TP73: variants seen among roughly 807,000 people sequenced by gnomAD.
The protein encoded by TP73 is tumor protein p73, also known as p53-like transcription factor.
A neutral mutation model predicts 62.5 loss-of-function variants in TP73; 25 were observed. That is an observed-to-expected ratio of 0.40 (90% CI 0.29 to 0.56). The LOEUF is 0.56. Among genes scored for constraint, TP73 ranks in the 20% least tolerant of loss-of-function variants. TP73 has a pLI of 0.46. For missense variants in TP73, 754 were observed against 913.3 expected, an observed-to-expected ratio of 0.83 and a Z score of 2.25; for synonymous variants, 423 against 377.5, an observed-to-expected ratio of 1.12 and a Z score of -1.40.
intron 3 of TP73, among the ~76,000 whole-genome samples, chr1:3,690,138 C>T (rs547245553): frequency 6.6e-5 from 10 of 152,176 alleles, no homozygotes; most frequent in Non-Finnish European, 8.8e-5. Context: ...TCCAAACGCA[C>T]GGCTCTGGGC....
intron 10 of TP73, 188 bp downstream of exon 10, chr1:3,729,636 G>A (rs1392155565): frequency 4.7e-6 from 5 of 1,055,262 alleles, no homozygotes; most frequent in South Asian, 1.3e-5. Flanking sequence ...GGGCTGCCCT[G>A]GGACCCTGGG....
chr1:3,665,602 G>A (rs927906502), intron 1 of TP73, among the ~76,000 whole-genome samples: 2 of 151,420 alleles, frequency 1.3e-5, no homozygotes, highest in South Asian at 4.2e-4. Flanking sequence ...GAAATCATTC[G>A]TATTTTGAAG....
intron 2 of TP73, 52 bp from the exon 3 acceptor site, chr1:3,683,008 G>T: frequency 6.4e-7 from 1 of 1,568,076 alleles, no homozygotes; most frequent in East Asian, 2.3e-5. Flanking sequence ...GAGGTATTGG[G>T]GTGACACCCA....
chr1:3,655,417 G>A (rs1195827540), intron 1 of TP73, among the ~76,000 whole-genome samples: 3 of 152,204 alleles, frequency 2.0e-5, no homozygotes, highest in Non-Finnish European at 4.4e-5. Context: ...CTTTTGGTGT[G>A]TGTTTCATGT....
intron 3 of TP73, chr1:3,690,982 A>G (rs756977076): frequency 1.2e-5 from 18 of 1,562,324 alleles, no homozygotes; most frequent in Non-Finnish European, 1.5e-5. Flanking sequence ...CTCTTCGGGG[A>G]CTTTGCGGGG....
rs1642330165 is a variant in TP73 at position 3,734,073 on chromosome 1, C to T, written c.*994C>T. ...TGGGGAGGAAGCCTAGAGGGAACCC[C>T]AGGAAGGGCAAATCCAGGCAAATCT... On this transcript the variant is annotated 3_prime_UTR_variant, in exon 14 of 14. Transcript: ENST00000378295. The surrounding 1 kb of genome is among the most constrained non-coding windows in gnomAD (Gnocchi z 4.4). 6.6e-6 allele frequency: 1 copy of T among 152,116 alleles called. No homozygotes were observed. The highest frequency in any genetic ancestry group is 2.4e-5 in the African/African-American group (1 of 41,420). The allele number at this position is 152,116 out of a possible 1,614,324, so 9.4% of individuals were successfully genotyped here. A position where few individuals can be genotyped will look rare whatever the true frequency, so the allele number is the denominator to read the frequency against.
At chr1:3,722,978 C>T (rs779337408) in intron 5 of TP73, among the ~76,000 whole-genome samples, 3 of 142,734 alleles carry the variant, frequency 2.1e-5, no homozygotes, top group Non-Finnish European at 4.6e-5. Context: ...GGGCTGGGCA[C>T]CTCTGCATCT....
In TP73 at chr1:3,696,664, G is replaced by A. The variant is rs770892386; in HGVS notation, c.187-10885G>A. 4.6e-5 allele frequency among the ~76,000 whole-genome samples: 7 copies of A among 152,104 alleles called. No homozygotes were observed. The highest frequency in any genetic ancestry group is 7.4e-5 in the Non-Finnish European group (5 of 68,016). On this transcript the variant is annotated intron_variant, in intron 3 of 13. Coordinates refer to ENST00000378295, the MANE Select transcript of TP73 (RefSeq NM_005427.4). This position sits in a 1 kb window ranked among gnomAD's most constrained non-coding sequence, Gnocchi z 4.1. ...AGAGGCTGCTGAGTTCCCACGGTTT[G>A]GAGAGGGCAGGGCCCAACTGGGAAT...
rs1334837409 is a variant in TP73 at position 3,722,006 on chromosome 1, T to C, written c.430-15T>C. 6.3e-7 allele frequency: 1 copy of C among 1,593,416 alleles called. No individual in the cohort carries two copies. Among genetic ancestry groups the C allele is most frequent in the Non-Finnish European group, 8.6e-7 (1 of 1,166,846 alleles). ...GGGACCACTGGTCTCACCCGCTCCC[T>C]CTCCCCCACTCCAGTACTCCCCGCT... On this transcript the variant is annotated splice_polypyrimidine_tract_variant and intron_variant, in intron 4 of 13. Coordinates refer to ENST00000378295, the MANE Select transcript of TP73 (RefSeq NM_005427.4).
At chr1:3,707,854 G>A (rs1639803987) in intron 4 of TP73, 63 bp downstream of exon 4, 6 of 1,556,884 alleles carry the variant, frequency 3.9e-6, no homozygotes, top group African/African-American at 1.4e-5. Flanking sequence ...GGAGGTGGCT[G>A]CGTTCCCCGC....
At chr1:3,728,369 C>G in intron 9 of TP73, 152 bp downstream of exon 9, 1 of 752,224 alleles carries the variant, frequency 1.3e-6, no homozygotes, top group Non-Finnish European at 2.1e-6. Context: ...GAGGGCAGAA[C>G]CTGCTTGCAA....
chr1:3,703,896 C>A (rs12735439), intron 3 of TP73, among the ~76,000 whole-genome samples: 49,645 of 152,068 alleles, frequency 0.33, 8,579 homozygotes, highest in Non-Finnish European at 0.38. Context: ...AGGCCATCCC[C>A]GGGCCCAAAA....
At chr1:3,680,822 A>G (rs1645501740) in intron 1 of TP73, among the ~76,000 whole-genome samples, 1 of 152,246 alleles carries the variant, frequency 6.6e-6, no homozygotes, top group Non-Finnish European at 1.5e-5. Context: ...AGCCCAGCCC[A>G]GGATCGGAGG....
intron 7 of TP73, 70 bp from the exon 8 acceptor site, chr1:3,727,558 G>A: frequency 6.5e-7 from 1 of 1,547,870 alleles, no homozygotes; most frequent in South Asian, 1.2e-5. Flanking sequence ...GTCCGAGGTG[G>A]GTGGGGAAGG....
At chr1:3,713,413 C>T (rs775366022) in intron 4 of TP73, among the ~76,000 whole-genome samples, 13 of 152,206 alleles carry the variant, frequency 8.5e-5, no homozygotes, top group Non-Finnish European at 1.5e-4. Context: ...AGGGCCGTCC[C>T]AGGCTTCTCC....
Position 3,683,168 on chromosome 1 carries a change from T to A in TP73, c.174T>A (p.Thr58=), listed in dbSNP as rs745954458. The A allele has an allele frequency of 6.2e-7, 1 of 1,608,790 alleles. No individual in the cohort carries two copies. Among genetic ancestry groups the A allele is most frequent in the Non-Finnish European group, 8.5e-7 (1 of 1,177,188 alleles). The change falls in exon 3 of 14, where the codon ACT becomes ACA. Residue 58 remains threonine, a synonymous_variant. Transcript: ENST00000378295. ...ACGTCTTCCACCTGGAGGGCATGAC[T>A]ACATCTGTCATGGTGAGTGGGGGGG... ...SMDVFHLEGM[T]TSVMAQFNLL...
chr1:3,722,751 G>A (rs1232873117), intron 5 of TP73, among the ~76,000 whole-genome samples: 3 of 139,520 alleles, frequency 2.2e-5, no homozygotes, highest in African/African-American at 9.0e-5. Flanking sequence ...CTGGCATGGG[G>A]CTGGGCACCT....
chr1:3,660,533 A>C (rs1057346025), intron 1 of TP73, among the ~76,000 whole-genome samples: 13 of 152,258 alleles, frequency 8.5e-5, no homozygotes, highest in Non-Finnish European at 1.9e-4. Flanking sequence ...AAAAATAAAA[A>C]TGCTAATAGT....
At position 3,699,359 on chromosome 1, in the gene TP73, G is replaced by T. The variant is rs554471522; in HGVS notation, c.187-8190G>T. Among the ~76,000 whole-genome samples, 4 of 152,198 alleles carry T rather than the reference G, an allele frequency of 2.6e-5. No individual in the cohort carries two copies. The highest frequency in any genetic ancestry group is 9.6e-5 in the African/African-American group (4 of 41,520). The stretch of plus-strand genomic sequence containing the variant: ...GAGAGATCAGGGAGTTTGAGGAGCG[G>T]CATACTCTCAAAAAACCACAACAGT... On this transcript the variant is annotated intron_variant, in intron 3 of 13. Transcript: ENST00000378295. The surrounding 1 kb of genome is among the most constrained non-coding windows in gnomAD (Gnocchi z 4.1).
Sources: allele counts gnomAD v4.1 joint callset (sites outside exome capture counted in the v4.1 genomes callset), GRCh38; gene constraint gnomAD v4.1.1; non-coding constraint Gnocchi (gnomAD v3.1); transcripts MANE v1.5; gene names NCBI Gene and HGNC (gene_info 2026-07-23, HGNC 2026-07-21).